The following NOD1 variants were observed in gnomAD, a reference collection of about 807,000 sequenced individuals.
NOD1 encodes the protein nucleotide-binding oligomerization domain-containing protein 1.
A neutral mutation model predicts 81.2 loss-of-function variants in NOD1; 70 were observed. The observed-to-expected ratio is 0.86, with a 90% CI of 0.71 to 1.05. NOD1 has a LOEUF of 1.05. NOD1 is among the 50% of genes least tolerant of loss of function. The pLI is 0.00. For synonymous variants in NOD1, 508 were observed against 526.9 expected (o/e 0.96, Z 0.49); for missense variants, 1,233 against 1,228.0 (o/e 1.00, Z -0.06).
rs774572303 is a variant in NOD1 at position 30,451,500 on chromosome 7, C to A, written c.1917G>T (p.Gln639His). The change falls in exon 6 of 14, where the codon CAG (glutamine) becomes CAT (histidine). Residue 639 changes from glutamine (Q) to histidine (H), a missense_variant. Gln to His is a conservative substitution (Grantham distance 24, BLOSUM62 0). Coordinates refer to ENST00000222823, the MANE Select transcript of NOD1 (RefSeq NM_006092.4). The surrounding 1 kb of genome is among the most constrained non-coding windows in gnomAD (Gnocchi z 4.2). Reference sequence around the variant, plus strand: ...CCTGCACCTGGTTGAAGCTTTCGACCTGAACGCGGGGCAGGCTCTTCAGGT... The same window carrying A: ...CCTGCACCTGGTTGAAGCTTTCGACATGAACGCGGGGCAGGCTCTTCAGGT... ...RGYLKSLPRV[Q>H]VESFNQVQAM... The A allele has an allele frequency of 6.2e-7, 1 of 1,613,218 alleles. No individual in the cohort carries two copies. The highest frequency in any genetic ancestry group is 1.1e-5 in the South Asian group (1 of 91,064).
Position 30,456,766 on chromosome 7 carries a change from G to C in NOD1, c.156C>G (p.Ala52=), listed in dbSNP as rs2075818. The stretch of plus-strand genomic sequence containing the variant: ...AGGCACACACAATCTCCGCATCTTC[G>C]GCCGAGAAGTAGTCATTCTTCAGCA... ...DNLLKNDYFS[A]EDAEIVCACP... Residue 52 remains alanine (A), a synonymous_variant, in exon 4 of 14, where the codon GCC becomes GCG. Transcript: ENST00000222823. 430,358 of 1,613,648 alleles carry C rather than the reference G, an allele frequency of 0.27. 61,307 individuals are homozygous for C. The highest frequency in any genetic ancestry group is 0.48 in the African/African-American group (35,853 of 74,874).
intron 1 of NOD1, among the ~76,000 whole-genome samples, chr7:30,462,286 C>T (rs1392819419): frequency 1.3e-5 from 2 of 152,156 alleles, no homozygotes; most frequent in Non-Finnish European, 2.9e-5. Context: ...TCTCCTATAC[C>T]ACTGGTGGAA....
At chr7:30,426,528 C>T (rs552050291) in intron 13 of NOD1, among the ~76,000 whole-genome samples, 5 of 152,038 alleles carry the variant, frequency 3.3e-5, no homozygotes, top group East Asian at 1.9e-4. Context: ...GTCATTTCCA[C>T]GTACTCTGGC....
rs928613212 is a variant in NOD1 at position 30,467,943 on chromosome 7, C to A, written c.-351-7902G>T. ...TCTTGAACTCCTGACCTCAGGTGATCCACCTGCCTCGACCTCCCAAAGTGC... is the reference window on the plus strand; with the variant it reads ...TCTTGAACTCCTGACCTCAGGTGATACACCTGCCTCGACCTCCCAAAGTGC... On this transcript the variant is annotated intron_variant, in intron 1 of 13. Coordinates refer to ENST00000222823, the MANE Select transcript of NOD1 (RefSeq NM_006092.4). This position sits in a 1 kb window ranked among gnomAD's most constrained non-coding sequence, Gnocchi z 4.5. Among the ~76,000 whole-genome samples, 1 of 152,128 alleles carries A rather than the reference C, an allele frequency of 6.6e-6. No individual in the cohort carries two copies. Among genetic ancestry groups the A allele is most frequent in the South Asian group, 2.1e-4 (1 of 4,832 alleles).
At chr7:30,437,696 G>T in intron 9 of NOD1, 40 bp from the exon 10 acceptor site, 1 of 1,417,740 alleles carries the variant, frequency 7.1e-7, no homozygotes, top group Non-Finnish European at 9.4e-7. Context: ...AGCTCCCCAA[G>T]AAACAGCCAT....
At chr7:30,428,250 C>T (rs1306852671) in intron 13 of NOD1, among the ~76,000 whole-genome samples, 2 of 151,998 alleles carry the variant, frequency 1.3e-5, no homozygotes, top group Admixed American at 6.6e-5. Context: ...TTTGTAGTGA[C>T]GGGGTTTCGC....
chr7:30,454,776 G>A (rs915959093), intron 5 of NOD1, among the ~76,000 whole-genome samples: 18 of 152,040 alleles, frequency 1.2e-4, no homozygotes, highest in African/African-American at 4.3e-4. Flanking sequence ...GGAACTACAG[G>A]TGTGTGCTAC....
chr7:30,451,169 C>T lies in NOD1; in HGVS notation c.2201+47G>A. On this transcript the variant is annotated intron_variant, in intron 6 of 13. Coordinates refer to ENST00000222823, the MANE Select transcript of NOD1 (RefSeq NM_006092.4). This position sits in a 1 kb window ranked among gnomAD's most constrained non-coding sequence, Gnocchi z 4.2. ...ATGCCATTCCCGATGCCCTCCGAGC[C>T]TGGCCCGCCCGGCCCACCTGTTGCT... 2 of 1,583,914 alleles carry T rather than the reference C, an allele frequency of 1.3e-6. No individual in the cohort carries two copies. The highest frequency in any genetic ancestry group is 1.7e-6 in the Non-Finnish European group (2 of 1,164,888).
intron 1 of NOD1, chr7:30,469,360 C>A: frequency 1.9e-6 from 1 of 526,780 alleles, no homozygotes; most frequent in Non-Finnish European, 2.4e-6. Flanking sequence ...GAAGTCAGTC[C>A]CTCCCGGAAT....
rs1410150171 is a variant in NOD1, at chr7:30,437,630, T to G, written c.2480A>C (p.Glu827Ala). The stretch of plus-strand genomic sequence containing the variant: ...AGCCTCTGCGAAGGCTTTTGCTCCT[T>G]CATCCCCAACTTGATTGCCCCACAT... The part of the protein sequence containing the change: ...VGMWGNQVGD[E>A]GAKAFAEALR... Residue 827 changes from glutamate (E) to alanine (A), a missense_variant, in exon 10 of 14, where the codon GAA becomes GCA. By Grantham distance (107) the Glu-to-Ala change is moderately radical. Transcript: ENST00000222823. The G allele has an allele frequency of 6.0e-6, 9 of 1,511,786 alleles. No individual in the cohort carries two copies. Among genetic ancestry groups the G allele is most frequent in the Non-Finnish European group, 7.9e-6 (9 of 1,142,570 alleles). The allele number at this position is 1,511,786 out of a possible 1,614,324, so 93.6% of individuals were successfully genotyped here.
At chr7:30,450,062 C>T (rs934616078) in intron 6 of NOD1, among the ~76,000 whole-genome samples, 6 of 152,184 alleles carry the variant, frequency 3.9e-5, no homozygotes, top group South Asian at 2.1e-4. Flanking sequence ...GACATGGTGG[C>T]GTGTGCCTGT....
Position 30,425,626 on chromosome 7 carries a change from G to A in NOD1, c.*12C>T, listed in dbSNP as rs549921437. The A allele has an allele frequency of 6.2e-6, 10 of 1,608,316 alleles. No homozygotes were observed. The African/African-American group carries it at 9.3e-5, about 15-fold the overall frequency. On this transcript the variant is annotated 3_prime_UTR_variant, in exon 14 of 14. Coordinates refer to ENST00000222823, the MANE Select transcript of NOD1 (RefSeq NM_006092.4). Reference sequence around the variant, plus strand: ...TCCAGGGCAAAAACCCCATGAACAGGAAAGCATCCTCTCAGAAACAGATAA... The same window carrying A: ...TCCAGGGCAAAAACCCCATGAACAGAAAAGCATCCTCTCAGAAACAGATAA...
chr7:30,446,584 C>T (rs1785112156), intron 8 of NOD1: 1 of 391,556 alleles, frequency 2.6e-6, no homozygotes, highest in South Asian at 3.1e-5. Context: ...CAGGGCAGGA[C>T]CAGAGGCTCC....
At chr7:30,436,132 ATC>A in intron 10 of NOD1, 51 bp from the exon 11 acceptor site, 1 of 1,412,332 alleles carries the variant, frequency 7.1e-7, no homozygotes, top group South Asian at 1.2e-5. Flanking sequence ...TCTACATTCA[ATC>A]TTAGCTTCAA....
Position 30,474,255 on chromosome 7 carries a change from G to C in NOD1, c.-352+4351C>G, listed in dbSNP as rs985981078. Among the ~76,000 whole-genome samples, 9 of 152,240 alleles carry C rather than the reference G, an allele frequency of 5.9e-5. 1 individual carries two copies. Among genetic ancestry groups the C allele is most frequent in the Admixed American group, 5.9e-4 (9 of 15,282 alleles). On this transcript the variant is annotated intron_variant, in intron 1 of 13. Transcript: ENST00000222823. Reference sequence around the variant, plus strand: ...TCATCATAATCATGACTTACTAGAAGCTGGGTGATGTGCTAAGCACTTTAC... The same window carrying C: ...TCATCATAATCATGACTTACTAGAACCTGGGTGATGTGCTAAGCACTTTAC...
intron 3 of NOD1, among the ~76,000 whole-genome samples, chr7:30,458,615 G>A (rs1176308655): frequency 6.6e-6 from 1 of 151,782 alleles, no homozygotes; most frequent in Non-Finnish European, 1.5e-5. Context: ...TGATAGAGCA[G>A]GAAAGAGTAA....
chr7:30,472,275 A>C (rs1583890102), intron 1 of NOD1, among the ~76,000 whole-genome samples: 1 of 152,026 alleles, frequency 6.6e-6, no homozygotes, highest in Non-Finnish European at 1.5e-5. Flanking sequence ...CTTGGGCCTT[A>C]CCACACCAGC....
Position 30,425,649 on chromosome 7 carries a change from T to G in NOD1, c.2851A>C (p.Ile951Leu), listed in dbSNP as rs778812217. 1.1e-5 allele frequency: 17 copies of G among 1,613,460 alleles called. No individual in the cohort carries two copies. The Admixed American group carries it at 2.0e-4, about 19-fold the overall frequency. Residue 951 changes from isoleucine (I) to leucine (L), a missense_variant, in exon 14 of 14, where the codon ATC (isoleucine) becomes CTC (leucine). Ile to Leu is a conservative substitution (Grantham distance 5). Transcript: ENST00000222823. ...AKVYEDEKRI[I>L]CF The stretch of plus-strand genomic sequence containing the variant: ...AGGAAAGCATCCTCTCAGAAACAGA[T>G]AATCCGCTTCTCATCTTCATAGACT...
rs961868043 is a variant in NOD1 at position 30,459,927 on chromosome 7, T to G, written c.-237A>C. 1.2e-4 allele frequency: 18 copies of G among 152,722 alleles called. No individual in the cohort carries two copies. Among genetic ancestry groups the G allele is most frequent in the African/African-American group, 4.1e-4 (17 of 41,460 alleles). The allele number at this position is 152,722 out of a possible 1,614,324, so 9.5% of individuals were successfully genotyped here. On this transcript the variant is annotated 5_prime_UTR_variant, in exon 2 of 14. Coordinates refer to ENST00000222823, the MANE Select transcript of NOD1 (RefSeq NM_006092.4). ...GCTTCTGTCTCTTCCAAGCCTGCGATTCCCATAAAAACAGCAACTTGTCTT... is the reference window on the plus strand; with the variant it reads ...GCTTCTGTCTCTTCCAAGCCTGCGAGTCCCATAAAAACAGCAACTTGTCTT...
Sources: gnomAD v4.1 joint callset for allele counts (sites outside exome capture counted in the v4.1 genomes callset) on GRCh38, gnomAD v4.1.1 for gene constraint, Gnocchi (gnomAD v3.1) non-coding constraint, MANE v1.5 for transcripts, NCBI Gene and HGNC (gene_info 2026-07-23, HGNC 2026-07-21) for gene names.